MRC1: variants seen among roughly 807,000 people sequenced by gnomAD.
MRC1 encodes mannose receptor C-type 1, also known as macrophage mannose receptor 1.
MRC1 carries 62 observed loss-of-function variants against 102.9 expected under a neutral mutation model. The observed-to-expected ratio is 0.60, with a 90% CI of 0.49 to 0.74. MRC1 has a LOEUF of 0.74. MRC1 is among the 30% of genes least tolerant of loss of function. The pLI, the probability that MRC1 is intolerant of heterozygous loss-of-function variation, is 0.00. For synonymous variants in MRC1, 457 were observed against 298.4 expected (o/e 1.53, Z -5.48); for missense variants, 1,237 against 862.8 (o/e 1.43, Z -5.43).
intron 3 of MRC1, among the ~76,000 whole-genome samples, chr10:17,830,126 G>GTATT (rs1280583424): frequency 3.5e-4 from 53 of 151,064 alleles, no homozygotes; most frequent in Non-Finnish European, 5.6e-4. Flanking sequence ...AGTTTTTATT[G>GTATT]TATTTATTTA....
intron 1 of MRC1, among the ~76,000 whole-genome samples, chr10:17,819,628 T>A (rs1838365889): frequency 6.6e-6 from 1 of 150,666 alleles, no homozygotes; most frequent in Non-Finnish European, 1.5e-5. Flanking sequence ...CAGGAGAGAG[T>A]TGATATTGCA....
intron 6 of MRC1, among the ~76,000 whole-genome samples, chr10:17,847,139 C>G (rs1245157377): frequency 8.4e-5 from 12 of 143,246 alleles, no homozygotes; most frequent in Admixed American, 2.2e-4. Context: ...TATTCCTCCT[C>G]TAGGAGAAAT....
chr10:17,895,402 C>G (rs1311493904), intron 23 of MRC1, among the ~76,000 whole-genome samples: 2 of 151,700 alleles, frequency 1.3e-5, no homozygotes, highest in African/African-American at 4.8e-5. Flanking sequence ...CAGACTAAAC[C>G]TGTCACTAAA....
At position 17,809,363 on chromosome 10, in the gene MRC1, G is replaced by A; in HGVS notation, c.-103G>A. On this transcript the variant is annotated 5_prime_UTR_variant, in exon 1 of 30. Coordinates refer to ENST00000569591, the MANE Select transcript of MRC1 (RefSeq NM_002438.4). ...TAGTTCTTTTCAGCTGGGCAGCTCT[G>A]GGAACTTGGATTAGGTGGAGAGGCA... The A allele has an allele frequency of 2.5e-6, 2 of 815,740 alleles. No homozygotes were observed. Among genetic ancestry groups the A allele is most frequent in the Admixed American group, 3.4e-5 (2 of 58,610 alleles). 50.5% of individuals were successfully genotyped at this position (815,740 alleles called of 1,614,324 possible). A position where few individuals can be genotyped will look rare whatever the true frequency, so the allele number is the denominator to read the frequency against.
rs1413643015 is a variant in MRC1, at chr10:17,829,296, A to G, written c.637+1581A>G. 3.3e-5 allele frequency among the ~76,000 whole-genome samples: 5 copies of G among 151,552 alleles called. 1 individual carries two copies. Among genetic ancestry groups the G allele is most frequent in the African/African-American group, 9.8e-5 (4 of 40,810 alleles). On this transcript the variant is annotated intron_variant, in intron 3 of 29. Transcript: ENST00000569591. ...TACCTGAATTTGACGAACAAAAGCC[A>G]GAATTCTAAGAATTGTACTTATTTA...
intron 12 of MRC1, among the ~76,000 whole-genome samples, chr10:17,867,358 C>CCTTCTCCTT (rs1833288399): frequency 1.8e-5 from 2 of 111,280 alleles, no homozygotes; most frequent in Admixed American, 9.7e-5. Context: ...TTCTTCTTCT[C>CCTTCTCCTT]CTTCTCCTTC....
At chr10:17,891,119 T>G (rs1286066664) in intron 22 of MRC1, among the ~76,000 whole-genome samples, 1 of 150,558 alleles carries the variant, frequency 6.6e-6, no homozygotes, top group Non-Finnish European at 1.5e-5. Flanking sequence ...TGATGGTGAG[T>G]TGTATCACTA....
chr10:17,906,882 C>T lies in MRC1; in HGVS notation c.3800-4C>T. On this transcript the variant is annotated splice_polypyrimidine_tract_variant and splice_region_variant and intron_variant, in intron 26 of 29. Coordinates refer to ENST00000569591, the MANE Select transcript of MRC1 (RefSeq NM_002438.4). ...TATCATATTTATCCTTTTACGCTTT[C>T]TAGGTTCCTCTCTGGTTTCCATTGA... 1 of 781,818 alleles carries T rather than the reference C, an allele frequency of 1.3e-6. No individual in the cohort carries two copies. The highest frequency in any genetic ancestry group is 1.3e-5 in the South Asian group (1 of 74,622). The allele number at this position is 781,818 out of a possible 1,614,324, so 48.4% of individuals were successfully genotyped here.
At chr10:17,863,803 A>C (rs1171502820) in intron 11 of MRC1, 121 bp downstream of exon 11, 1 of 670,644 alleles carries the variant, frequency 1.5e-6, no homozygotes, top group Non-Finnish European at 2.7e-6. Context: ...TTTAGTAACA[A>C]TTTATATTTC....
chr10:17,819,438 T>A (rs924319501), intron 1 of MRC1, among the ~76,000 whole-genome samples: 2 of 148,958 alleles, frequency 1.3e-5, no homozygotes, highest in South Asian at 4.3e-4. Flanking sequence ...GGTATATGTA[T>A]GAATTCAGAG....
At chr10:17,827,742 G>C (rs1368307698) in intron 3 of MRC1, 27 bp downstream of exon 3, 8 of 780,414 alleles carry the variant, frequency 1.0e-5, no homozygotes, top group Non-Finnish European at 1.7e-5. Context: ...ACCAAGAAAA[G>C]TTGGGCACAT....
intron 5 of MRC1, 108 bp from the exon 6 acceptor site, chr10:17,845,181 T>C (rs1554840131): frequency 1.3e-6 from 1 of 780,028 alleles, no homozygotes; most frequent in South Asian, 1.3e-5. Context: ...AAAGACAGAA[T>C]GGTGGTCCAT....
chr10:17,842,914 C>G (rs924216743), intron 5 of MRC1, among the ~76,000 whole-genome samples: 91 of 152,208 alleles, frequency 6.0e-4, no homozygotes, highest in African/African-American at 2.1e-3. Flanking sequence ...AATCACCTTG[C>G]GAAATAGTAT....
rs1373242677 is a variant in MRC1, at chr10:17,878,052, G to A, written c.2618+85G>A. On this transcript the variant is annotated intron_variant, in intron 18 of 29. Coordinates refer to ENST00000569591, the MANE Select transcript of MRC1 (RefSeq NM_002438.4). Reference sequence around the variant, plus strand: ...AGTTATTTTGAGATTTTTCTTTGTGGAATGCATTTTTAAAAATCCTACAGC... The same window carrying A: ...AGTTATTTTGAGATTTTTCTTTGTGAAATGCATTTTTAAAAATCCTACAGC... 7 of 800,728 alleles carry A rather than the reference G, an allele frequency of 8.7e-6. No homozygotes were observed. The Admixed American group carries it at 1.3e-4, about 15-fold the overall frequency. 49.6% of individuals were successfully genotyped at this position (800,728 alleles called of 1,614,324 possible). A position where few individuals can be genotyped will look rare whatever the true frequency, so the allele number is the denominator to read the frequency against.
chr10:17,871,530 G>A (rs892902022), intron 14 of MRC1, among the ~76,000 whole-genome samples: 2 of 151,990 alleles, frequency 1.3e-5, no homozygotes, highest in Non-Finnish European at 2.9e-5. Context: ...ATATTTTCTG[G>A]GTCTTTTTCT....
rs1027375449 is a variant in MRC1, at chr10:17,815,195, A to G, written c.61+5669A>G. On this transcript the variant is annotated intron_variant, in intron 1 of 29. Coordinates refer to ENST00000569591, the MANE Select transcript of MRC1 (RefSeq NM_002438.4). ...TGCTATTTCCCCCTTTATTTTACAG[A>G]TGGGGAAGTGGAAGCACAGAGTAAT... 1.9e-3 allele frequency among the ~76,000 whole-genome samples: 292 copies of G among 152,136 alleles called. 1 individual carries two copies. The highest frequency in any genetic ancestry group is 6.4e-3 in the African/African-American group (267 of 41,486).
chr10:17,870,001 T>C (rs1833332044), intron 12 of MRC1, among the ~76,000 whole-genome samples: 1 of 152,216 alleles, frequency 6.6e-6, no homozygotes, highest in Non-Finnish European at 1.5e-5. Flanking sequence ...GATTTTCATC[T>C]AATTTCTCTT....
chr10:17,892,785 G>C (rs2130707402), intron 22 of MRC1, among the ~76,000 whole-genome samples: 1 of 152,150 alleles, frequency 6.6e-6, no homozygotes, highest in East Asian at 1.9e-4. Flanking sequence ...GCTGAGGTGG[G>C]CAGTTCACGA....
intron 9 of MRC1, among the ~76,000 whole-genome samples, chr10:17,856,640 C>T (rs1564618081): frequency 6.6e-6 from 1 of 152,096 alleles, no homozygotes; most frequent in South Asian, 2.1e-4. Flanking sequence ...CAGAGGGAAT[C>T]TGGCTAAGTT....
Sources: gnomAD v4.1 joint callset for allele counts (sites outside exome capture counted in the v4.1 genomes callset) on GRCh38, gnomAD v4.1.1 for gene constraint, MANE v1.5 for transcripts, NCBI Gene and HGNC (gene_info 2026-07-23, HGNC 2026-07-21) for gene names.